Variants in FOXP4 observed in about 807,000 individuals in gnomAD.
The protein encoded by FOXP4 is forkhead box protein P4.
FOXP4 carries 25 observed loss-of-function variants against 82.6 expected under a neutral mutation model. The ratio of observed to expected loss-of-function variants is 0.30; its 90% confidence interval spans 0.22 to 0.42. FOXP4 has a LOEUF of 0.42. Among genes scored for constraint, FOXP4 ranks in the 10% least tolerant of loss-of-function variants. FOXP4 has a pLI of 1.00. For synonymous variants in FOXP4, 415 were observed against 388.2 expected (o/e 1.07, Z -0.81); for missense variants, 785 against 900.9 (o/e 0.87, Z 1.65).
intron 1 of FOXP4, among the ~76,000 whole-genome samples, chr6:41,562,264 G>C (rs1168652726): frequency 2.0e-5 from 3 of 152,102 alleles, no homozygotes; most frequent in African/African-American, 7.3e-5. Flanking sequence ...AGGTGTATGG[G>C]TGTGTGTCAG....
chr6:41,583,774 G>T (rs781429725), intron 3 of FOXP4, among the ~76,000 whole-genome samples: 1 of 152,180 alleles, frequency 6.6e-6, no homozygotes, highest in East Asian at 1.9e-4. Flanking sequence ...GCACAAGCCT[G>T]GGGGGTTCAG....
intron 4 of FOXP4, among the ~76,000 whole-genome samples, chr6:41,585,184 G>C (rs1394619848): frequency 6.6e-6 from 1 of 152,148 alleles, no homozygotes; most frequent in Non-Finnish European, 1.5e-5. Flanking sequence ...GTTGTCCCCT[G>C]TGACCTGCTC....
At chr6:41,578,112 G>C (rs370592290) in intron 3 of FOXP4, 31 bp downstream of exon 3, 1 of 1,593,864 alleles carries the variant, frequency 6.3e-7, no homozygotes, top group South Asian at 1.1e-5. Flanking sequence ...CTGGCTCTGG[G>C]TTGGGCTGGA....
At chr6:41,566,088 C>A in intron 2 of FOXP4, 124 bp downstream of exon 2, 1 of 1,074,862 alleles carries the variant, frequency 9.3e-7, no homozygotes, top group Non-Finnish European at 1.3e-6. Context: ...ATTCTTAAGA[C>A]AGTCCAGCCT....
Position 41,565,832 on chromosome 6 carries a change from T to A in FOXP4, c.72T>A (p.Ser24=). 1 of 1,613,684 alleles carries A rather than the reference T, an allele frequency of 6.2e-7. No homozygotes were observed. Residue 24 remains serine (S), a synonymous_variant, in exon 2 of 17, where the codon TCT becomes TCA. Transcript: ENST00000307972. Reference sequence around the variant, plus strand: ...GTCAGAATGGCGTGGGCAGCCTCTCTGGGCAAGCCGATGGCAGCAGCGGCG... The same window carrying A: ...GTCAGAATGGCGTGGGCAGCCTCTCAGGGCAAGCCGATGGCAGCAGCGGCG... ...PSGQNGVGSL[S]GQADGSSGGA... is the part of the protein sequence containing the mutation.
chr6:41,546,437 G>T lies in FOXP4; in HGVS notation c.-447G>T. 6.6e-6 allele frequency: 1 copy of T among 150,860 alleles called. No homozygotes were observed. The highest frequency in any genetic ancestry group is 1.8e-4 in the South Asian group (1 of 5,406). 9.3% of individuals were successfully genotyped at this position (150,860 alleles called of 1,614,324 possible). On this transcript the variant is annotated 5_prime_UTR_variant, in exon 1 of 17. Coordinates refer to ENST00000307972, the MANE Select transcript of FOXP4 (RefSeq NM_001012426.2). ...GGAGTCCGGAGCCCGCCGTCCCTGC[G>T]GACCGGACAGTGCGGCCGGCGGCCG...
Position 41,591,248 on chromosome 6 carries a change from C to A in FOXP4, c.1462C>A (p.Leu488Met). The change falls in exon 13 of 17, where the codon CTG becomes ATG. Residue 488 changes from leucine (L) to methionine (M), a missense_variant. By Grantham distance (15) the Leu-to-Met change is conservative (BLOSUM62 2). This residue lies in a region of FOXP4 where 570 missense variants were observed against 634.0 expected (regional missense o/e 0.90). Transcript: ENST00000307972. The surrounding 1 kb of genome is among the most constrained non-coding windows in gnomAD (Gnocchi z 4.2). Reference protein sequence around the residue: ...QAILETPDRQLTLNEIYNWFT... With the variant: ...QAILETPDRQMTLNEIYNWFT... ...CATCCTGGAAACCCCTGACAGGCAG[C>A]TGACCCTGAATGAGATCTATAACTG... The A allele has an allele frequency of 3.1e-6, 5 of 1,610,324 alleles. No homozygotes were observed. Among genetic ancestry groups the A allele is most frequent in the Non-Finnish European group, 4.2e-6 (5 of 1,178,348 alleles).
At chr6:41,594,739 C>A in intron 13 of FOXP4, 131 bp from the exon 14 acceptor site, 1 of 1,399,392 alleles carries the variant, frequency 7.1e-7, no homozygotes, top group Non-Finnish European at 9.7e-7. Context: ...CAGCCCACCC[C>A]CCTCCCCTGC....
chr6:41,571,451 C>T (rs1562023235), intron 2 of FOXP4, among the ~76,000 whole-genome samples: 1 of 152,212 alleles, frequency 6.6e-6, no homozygotes, highest in Non-Finnish European at 1.5e-5. Context: ...TCTCTGAGGC[C>T]AGAAACTAGT....
chr6:41,576,425 C>T (rs1001183574), intron 2 of FOXP4, among the ~76,000 whole-genome samples: 7 of 152,068 alleles, frequency 4.6e-5, no homozygotes, highest in Non-Finnish European at 8.8e-5. Context: ...GCTTGTTGAG[C>T]GATGATGGGT....
At chr6:41,594,274 AGTAT>A (rs1436317526) in intron 13 of FOXP4, among the ~76,000 whole-genome samples, 2 of 152,182 alleles carry the variant, frequency 1.3e-5, no homozygotes, top group African/African-American at 4.8e-5. Flanking sequence ...TATTTCAACA[AGTAT>A]GTATGAGGCC....
chr6:41,597,266 C>G (rs1766899597), intron 15 of FOXP4, 24 bp downstream of exon 15: 3 of 1,612,320 alleles, frequency 1.9e-6, no homozygotes, highest in Non-Finnish European at 2.5e-6. Flanking sequence ...AGCCCACCCA[C>G]TCACCTCTAC....
chr6:41,585,425 C>G lies in FOXP4; in HGVS notation c.424-6C>G, dbSNP rs184723671. The G allele has an allele frequency of 3.3e-5, 54 of 1,613,334 alleles. No individual in the cohort carries two copies. Among genetic ancestry groups the G allele is most frequent in the Middle Eastern group, 1.6e-4 (1 of 6,072 alleles). ...TGCCAGTGGTAACCCTCCTCCACCC[C>G]CCCAGCTACAGGAGTACTACAAGAA... On this transcript the variant is annotated splice_polypyrimidine_tract_variant and splice_region_variant and intron_variant, in intron 4 of 16. Coordinates refer to ENST00000307972, the MANE Select transcript of FOXP4 (RefSeq NM_001012426.2).
At chr6:41,597,995 C>T (rs1385771672) in intron 16 of FOXP4, 45 bp downstream of exon 16, 4 of 1,370,726 alleles carry the variant, frequency 2.9e-6, no homozygotes, top group Non-Finnish European at 3.8e-6. Flanking sequence ...CACCCCTCAA[C>T]CACCAGGGAG....
Position 41,578,367 on chromosome 6 carries a change from T to G in FOXP4, c.300+286T>G, listed in dbSNP as rs577010140. Among the ~76,000 whole-genome samples, 66 of 152,282 alleles carry G rather than the reference T, an allele frequency of 4.3e-4. 2 individuals carry two copies. The South Asian group carries it at 0.013, about 31-fold the overall frequency. On this transcript the variant is annotated intron_variant, in intron 3 of 16. Coordinates refer to ENST00000307972, the MANE Select transcript of FOXP4 (RefSeq NM_001012426.2). ...GTCTCTTTGTACCTCTCTCACTGTT[T>G]GTTCTCCCCTGCCTCTTCCCTTCAG...
At chr6:41,574,553 C>A (rs894326517) in intron 2 of FOXP4, among the ~76,000 whole-genome samples, 2 of 152,210 alleles carry the variant, frequency 1.3e-5, no homozygotes, top group Non-Finnish European at 2.9e-5. Flanking sequence ...CACATGTCTG[C>A]TGTGTGCTGG....
At chr6:41,570,072 ACCC>A (rs1765104455) in intron 2 of FOXP4, 1 of 160,284 alleles carries the variant, frequency 6.2e-6, no homozygotes, top group Admixed American at 7.4e-5. Context: ...GCCCCCCACC[ACCC>A]CCTGACACAC....
chr6:41,551,388 G>A (rs903659223), intron 1 of FOXP4, among the ~76,000 whole-genome samples: 1 of 152,136 alleles, frequency 6.6e-6, no homozygotes, highest in African/African-American at 2.4e-5. Context: ...TTTCCCGGCT[G>A]TCCCTCTGGC....
In FOXP4 at chr6:41,558,382, A is replaced by C. The variant is rs560096834; in HGVS notation, c.-16-7363A>C. ...AGGGCTGGGAGAGGGGGGTGGGATCAATTTTTAAACCATAGCCCACTCAGG... is the reference window on the plus strand; with the variant it reads ...AGGGCTGGGAGAGGGGGGTGGGATCCATTTTTAAACCATAGCCCACTCAGG... On this transcript the variant is annotated intron_variant, in intron 1 of 16. Coordinates refer to ENST00000307972, the MANE Select transcript of FOXP4 (RefSeq NM_001012426.2). This position sits in a 1 kb window ranked among gnomAD's most constrained non-coding sequence, Gnocchi z 4.0. 1.2e-3 allele frequency among the ~76,000 whole-genome samples: 187 copies of C among 152,274 alleles called. No homozygotes were observed. The highest frequency in any genetic ancestry group is 2.0e-3 in the Non-Finnish European group (138 of 68,018).
Sources: gnomAD v4.1 joint callset for allele counts (sites outside exome capture counted in the v4.1 genomes callset) on GRCh38, gnomAD v4.1.1 for gene constraint, gnomAD v4.1.1 regional missense constraint, Gnocchi (gnomAD v3.1) non-coding constraint, MANE v1.5 for transcripts, NCBI Gene and HGNC (gene_info 2026-07-23, HGNC 2026-07-21) for gene names.